PEMT: variants seen among roughly 807,000 people sequenced by gnomAD.
The protein encoded by PEMT is phospholipid methyltransferase.
PEMT carries 23 observed loss-of-function variants against 27.4 expected under a neutral mutation model. The observed-to-expected ratio is 0.84, with a 90% CI of 0.60 to 1.19. The LOEUF (loss-of-function observed/expected upper bound fraction) is 1.19. Ranked by LOEUF, PEMT falls within the 50% of genes most tolerant of loss-of-function variation. The pLI, the probability that PEMT is intolerant of heterozygous loss-of-function variation, is 0.00. For synonymous variants in PEMT, 137 were observed against 139.1 expected (o/e 0.98, Z 0.11); for missense variants, 307 against 310.1 (o/e 0.99, Z 0.07).
chr17:17,518,869 C>T (rs561814492), intron 3 of PEMT, among the ~76,000 whole-genome samples: 2 of 152,128 alleles, frequency 1.3e-5, no homozygotes, highest in Non-Finnish European at 2.9e-5. Context: ...GAGATGACTG[C>T]TCCAGGCCTA....
intron 2 of PEMT, among the ~76,000 whole-genome samples, chr17:17,553,360 T>TTCCCTGTCCTCCCTGTAACTA (rs1909801438): frequency 6.6e-6 from 1 of 152,180 alleles, no homozygotes; most frequent in African/African-American, 2.4e-5. Context: ...ACTTCGGACT[T>TTCCCTGTCCTCCCTGTAACTA]TCCCTGTCCT....
rs1910474002 is a variant in PEMT, at chr17:17,561,570, C to T, written c.204+15350G>A. ...TCACTGACGCTGAGCTGGCTCCAGG[C>T]ACCACCCACTCCAGGCACCATCCCG... On this transcript the variant is annotated intron_variant, in intron 2 of 6. Transcript: ENST00000255389. This position sits in a 1 kb window ranked among gnomAD's most constrained non-coding sequence, Gnocchi z 4.5. Among the ~76,000 whole-genome samples the T allele has an allele frequency of 6.6e-6, 1 of 152,198 alleles. No individual in the cohort carries two copies.
chr17:17,591,900 C>G, upstream of PEMT: 1 of 985,468 alleles, frequency 1.0e-6, no homozygotes, highest in Non-Finnish European at 1.2e-6. Flanking sequence ...TAGCAGTATC[C>G]CCTTGGATCC....
chr17:17,524,965 G>A (rs1044132280), intron 2 of PEMT, among the ~76,000 whole-genome samples: 11 of 152,202 alleles, frequency 7.2e-5, no homozygotes, highest in East Asian at 1.9e-4. Context: ...AAAATTAGCC[G>A]GGAGTGGTGG....
At chr17:17,539,414 C>T (rs1290298389) in intron 2 of PEMT, among the ~76,000 whole-genome samples, 1 of 152,214 alleles carries the variant, frequency 6.6e-6, no homozygotes. Flanking sequence ...TGTTCCATCC[C>T]GTTTCCCTCC....
Position 17,519,251 on chromosome 17 carries a change from T to C in PEMT, c.320+3029A>G, listed in dbSNP as rs117059489. On this transcript the variant is annotated intron_variant, in intron 3 of 6. Coordinates refer to ENST00000255389, the MANE Select transcript of PEMT (RefSeq NM_148172.3). The stretch of plus-strand genomic sequence containing the variant: ...GCAGGGGCCTGGAGGGGAAGAACAG[T>C]GGGGGAGAGAGTGAGGACCAGGGCA... 4.4e-3 allele frequency among the ~76,000 whole-genome samples: 668 copies of C among 150,956 alleles called. 1 individual carries two copies. The highest frequency in any genetic ancestry group is 7.4e-3 in the Non-Finnish European group (504 of 67,668).
At chr17:17,574,265 A>C (rs56703892) in intron 2 of PEMT, among the ~76,000 whole-genome samples, 2,341 of 124,628 alleles carry the variant, frequency 0.019, 79 homozygotes, top group East Asian at 0.049. Flanking sequence ...AAAAAAAAAA[A>C]CCGTATGCCA....
At chr17:17,535,722 G>A (rs1035432927) in intron 2 of PEMT, among the ~76,000 whole-genome samples, 6 of 152,220 alleles carry the variant, frequency 3.9e-5, no homozygotes, top group African/African-American at 1.4e-4. Context: ...CGGAGAGGGG[G>A]CAGAAGACAG....
rs1906450452 is a variant in PEMT, at chr17:17,512,070, G to T, written c.466+439C>A. Among the ~76,000 whole-genome samples, 1 of 152,128 alleles carries T rather than the reference G, an allele frequency of 6.6e-6. No individual in the cohort carries two copies. Among genetic ancestry groups the T allele is most frequent in the African/African-American group, 2.4e-5 (1 of 41,402 alleles). On this transcript the variant is annotated intron_variant, in intron 4 of 6. Transcript: ENST00000255389. The surrounding 1 kb of genome is among the most constrained non-coding windows in gnomAD (Gnocchi z 6.3). ...ACGGCACAAACCACAATCCTGCCTG[G>T]CCTGAGAGCCACGCGTGCCGGGAGC...
intron 2 of PEMT, among the ~76,000 whole-genome samples, chr17:17,525,198 C>T (rs1214346075): frequency 1.3e-5 from 2 of 152,180 alleles, no homozygotes; most frequent in Non-Finnish European, 2.9e-5. Context: ...CCCAACAGAC[C>T]CAGGCCACAC....
intron 4 of PEMT, among the ~76,000 whole-genome samples, chr17:17,511,525 A>T (rs9900054): frequency 0.034 from 5,185 of 152,292 alleles, 271 homozygotes; most frequent in African/African-American, 0.12. Context: ...TGTAGCCGGC[A>T]TCTGAGGATG....
intron 2 of PEMT, among the ~76,000 whole-genome samples, chr17:17,545,428 G>T (rs73978971): frequency 0.022 from 3,402 of 152,268 alleles, 100 homozygotes; most frequent in East Asian, 0.094. Context: ...TACAGGTGCT[G>T]TCAGGCCATG....
chr17:17,522,167 C>A (rs1483286975), intron 3 of PEMT, 113 bp downstream of exon 3: 2 of 748,742 alleles, frequency 2.7e-6, no homozygotes, highest in Admixed American at 2.2e-5. Flanking sequence ...TGAGAGCTAA[C>A]CCCTGAGTGC....
At chr17:17,539,744 G>A (rs1465542541) in intron 2 of PEMT, among the ~76,000 whole-genome samples, 1 of 152,246 alleles carries the variant, frequency 6.6e-6, no homozygotes, top group Non-Finnish European at 1.5e-5. Flanking sequence ...CAGGGGCACA[G>A]AGCCCCGGGC....
In PEMT at chr17:17,512,160, T is replaced by G. The variant is rs1906457298; in HGVS notation, c.466+349A>C. 6.6e-6 allele frequency among the ~76,000 whole-genome samples: 1 copy of G among 152,206 alleles called. No homozygotes were observed. The highest frequency in any genetic ancestry group is 2.1e-4 in the South Asian group (1 of 4,828). ...TGTGCAACAAGGCCTGAGAGTCTTC[T>G]GCAAGGGGGAGCTGGTGCTGGAGCT... On this transcript the variant is annotated intron_variant, in intron 4 of 6. Coordinates refer to ENST00000255389, the MANE Select transcript of PEMT (RefSeq NM_148172.3). This position sits in a 1 kb window ranked among gnomAD's most constrained non-coding sequence, Gnocchi z 6.3.
intron 2 of PEMT, among the ~76,000 whole-genome samples, chr17:17,546,679 G>C (rs1052955604): frequency 6.6e-6 from 1 of 152,298 alleles, no homozygotes; most frequent in Non-Finnish European, 1.5e-5. Flanking sequence ...GAGCCTCCCT[G>C]TCCACCCTGG....
chr17:17,511,169 A>T (rs1597870214), intron 4 of PEMT, among the ~76,000 whole-genome samples: 1 of 151,894 alleles, frequency 6.6e-6, no homozygotes, highest in South Asian at 2.1e-4. Flanking sequence ...CCCCACCTCC[A>T]GCTGCCAGCT....
intron 2 of PEMT, among the ~76,000 whole-genome samples, chr17:17,576,376 G>T (rs529254568): frequency 6.6e-6 from 1 of 152,312 alleles, no homozygotes; most frequent in Admixed American, 6.5e-5. Context: ...CACGCTGGTG[G>T]CTTCCTTTCA....
At chr17:17,527,029 G>A (rs1200743603) in intron 2 of PEMT, among the ~76,000 whole-genome samples, 2 of 151,876 alleles carry the variant, frequency 1.3e-5, no homozygotes, top group African/African-American at 2.4e-5. Context: ...GCAGAAAGTC[G>A]AGTTTTTTAT....
Sources: allele counts gnomAD v4.1 joint callset (sites outside exome capture counted in the v4.1 genomes callset), GRCh38; gene constraint gnomAD v4.1.1; non-coding constraint Gnocchi (gnomAD v3.1); transcripts MANE v1.5; gene names NCBI Gene and HGNC (gene_info 2026-07-23, HGNC 2026-07-21).